Variants in CHL1 observed in about 807,000 individuals in gnomAD.
The protein encoded by CHL1 is cell adhesion molecule L1 like, also known as neural cell adhesion molecule L1-like protein.
A neutral mutation model predicts 141.9 loss-of-function variants in CHL1; 96 were observed. That is an observed-to-expected ratio of 0.68 (90% CI 0.57 to 0.80). The LOEUF (loss-of-function observed/expected upper bound fraction) is 0.80, where lower values mean the gene tolerates loss of function less well. Ranked by LOEUF, CHL1 falls within the 30% of genes least tolerant of loss-of-function variation. The pLI, the probability that CHL1 is intolerant of heterozygous loss-of-function variation, is 0.00. For missense variants in CHL1, 1,820 were observed against 1,457.2 expected (o/e 1.25, Z -4.05); for synonymous variants, 613 against 502.2 (o/e 1.22, Z -2.95).
At chr3:321,013 A>G (rs1172289342) in intron 3 of CHL1, among the ~76,000 whole-genome samples, 1 of 152,100 alleles carries the variant, frequency 6.6e-6, no homozygotes, top group Non-Finnish European at 1.5e-5. Flanking sequence ...AATACATCTT[A>G]GAAAAGTGTT....
At chr3:390,558 A>G in intron 20 of CHL1, 143 bp from the exon 21 acceptor site, 2 of 602,484 alleles carry the variant, frequency 3.3e-6, no homozygotes, top group Non-Finnish European at 5.9e-6. Context: ...CTTATCTATC[A>G]TGAGAAACTC....
intron 8 of CHL1, among the ~76,000 whole-genome samples, chr3:343,722 T>G (rs574695340): frequency 4.9e-4 from 74 of 152,254 alleles, no homozygotes; most frequent in Middle Eastern, 6.8e-3. Context: ...GCAAGTTCAG[T>G]GGAGGAGGAT....
intron 24 of CHL1, 48 bp downstream of exon 24, chr3:394,920 T>C (rs971935405): frequency 6.9e-7 from 1 of 1,450,430 alleles, no homozygotes; most frequent in African/African-American, 1.4e-5. Flanking sequence ...AAAAAGAGAC[T>C]GCATCTTTTT....
chr3:367,348 T>G (rs1337338968), intron 15 of CHL1, among the ~76,000 whole-genome samples: 1 of 152,244 alleles, frequency 6.6e-6, no homozygotes, highest in Non-Finnish European at 1.5e-5. Context: ...ACAGCAACAC[T>G]GCCATGGGTA....
intron 2 of CHL1, among the ~76,000 whole-genome samples, chr3:281,867 T>G (rs116815852): frequency 2.6e-3 from 397 of 152,260 alleles, no homozygotes; most frequent in African/African-American, 9.2e-3. Context: ...GCCTATTTCT[T>G]TTTCCTATAT....
At chr3:342,169 G>T (rs999688517) in intron 7 of CHL1, 87 bp downstream of exon 7, 2 of 1,269,508 alleles carry the variant, frequency 1.6e-6, no homozygotes, top group East Asian at 5.0e-5. Flanking sequence ...ATTTAAAGCT[G>T]GGTTGATATT....
chr3:249,806 T>C (rs950667065), intron 2 of CHL1, among the ~76,000 whole-genome samples: 8 of 152,158 alleles, frequency 5.3e-5, no homozygotes, highest in Non-Finnish European at 1.2e-4. Context: ...TCAAGCCTTA[T>C]GTAATTTTTG....
chr3:328,855 C>T (rs1244125545), intron 5 of CHL1, among the ~76,000 whole-genome samples: 1 of 152,126 alleles, frequency 6.6e-6, no homozygotes, highest in African/African-American at 2.4e-5. Flanking sequence ...AAAAATTGTA[C>T]ACTGGCTCTT....
intron 1 of CHL1, among the ~76,000 whole-genome samples, chr3:224,965 A>G (rs1410918579): frequency 6.6e-6 from 1 of 151,134 alleles, no homozygotes; most frequent in Admixed American, 6.6e-5. Context: ...GTGACACCCC[A>G]TCTCTACTAA....
At chr3:404,069 C>T (rs1709347551) in intron 27 of CHL1, among the ~76,000 whole-genome samples, 1 of 152,152 alleles carries the variant, frequency 6.6e-6, no homozygotes, top group African/African-American at 2.4e-5. Context: ...AGTTATGTGT[C>T]CCACAGAGAT....
chr3:213,103 G>A (rs141017095), intron 1 of CHL1: 8 of 152,212 alleles, frequency 5.3e-5, no homozygotes, highest in Middle Eastern at 3.4e-3. Context: ...CCAGACTCTG[G>A]GCTTGAACCC....
intron 2 of CHL1, among the ~76,000 whole-genome samples, chr3:272,077 A>T (rs1428947085): frequency 6.6e-6 from 1 of 152,220 alleles, no homozygotes; most frequent in Non-Finnish European, 1.5e-5. Flanking sequence ...ATTATAAATA[A>T]CATTCATATA....
intron 5 of CHL1, among the ~76,000 whole-genome samples, chr3:334,557 C>A (rs986524049): frequency 6.6e-6 from 1 of 152,164 alleles, no homozygotes; most frequent in Non-Finnish European, 1.5e-5. Context: ...CATATGTCTT[C>A]TTTCACTTAG....
At chr3:222,817 G>A (rs1429374781) in intron 1 of CHL1, among the ~76,000 whole-genome samples, 1 of 152,098 alleles carries the variant, frequency 6.6e-6, no homozygotes, top group Non-Finnish European at 1.5e-5. Context: ...ATTTCTAAGG[G>A]ATTTTAATTC....
At chr3:269,604 C>A (rs1173292233) in intron 2 of CHL1, among the ~76,000 whole-genome samples, 1 of 152,166 alleles carries the variant, frequency 6.6e-6, no homozygotes, top group African/African-American at 2.4e-5. Context: ...TGGCTCAGTG[C>A]AACCTCTGCC....
intron 2 of CHL1, among the ~76,000 whole-genome samples, chr3:280,323 T>A (rs992701148): frequency 6.6e-6 from 1 of 152,076 alleles, no homozygotes; most frequent in South Asian, 2.1e-4. Context: ...ATGGTAGCTA[T>A]ACCATTTTCT....
At chr3:218,821 T>G (rs1426698703) in intron 1 of CHL1, among the ~76,000 whole-genome samples, 1 of 152,078 alleles carries the variant, frequency 6.6e-6, no homozygotes, top group Non-Finnish European at 1.5e-5. Context: ...TGAGATACCA[T>G]TTCGCACCGG....
At chr3:315,280 C>T (rs963087185) in intron 2 of CHL1, among the ~76,000 whole-genome samples, 1 of 152,116 alleles carries the variant, frequency 6.6e-6, no homozygotes, top group Non-Finnish European at 1.5e-5. Context: ...GTAAACTGCC[C>T]ACAGCCATCT....
chr3:256,006 T>A (rs1005745597), intron 2 of CHL1, among the ~76,000 whole-genome samples: 2 of 152,168 alleles, frequency 1.3e-5, no homozygotes, highest in Non-Finnish European at 2.9e-5. Flanking sequence ...TTCCTGGGAT[T>A]CATGCTCCCA....
Sources: allele counts gnomAD v4.1 joint callset (sites outside exome capture counted in the v4.1 genomes callset), GRCh38; gene constraint gnomAD v4.1.1; transcripts MANE v1.5; gene names NCBI Gene and HGNC (gene_info 2026-07-23, HGNC 2026-07-21).